The following ADGRA1 variants were observed in gnomAD, a reference collection of about 807,000 sequenced individuals.
ADGRA1 encodes the protein adhesion G protein-coupled receptor A1, also known as G-protein coupled receptor 123.
In ADGRA1, 12 loss-of-function variants were observed where a neutral mutation model predicts 21.3. That is an observed-to-expected ratio of 0.56 (90% CI 0.36 to 0.91). The LOEUF is 0.91. Among genes scored for constraint, ADGRA1 ranks in the 40% least tolerant of loss-of-function variants. The pLI is 0.01. For synonymous variants in ADGRA1, 385 were observed against 368.8 expected, an observed-to-expected ratio of 1.04 and a Z score of -0.50; for missense variants, 790 against 805.6, an observed-to-expected ratio of 0.98 and a Z score of 0.23.
chr10:133,129,214 C>T lies in ADGRA1; in HGVS notation c.1386C>T (p.Gly462=). The stretch of plus-strand genomic sequence containing the variant: ...ACAGCCCCCCCAGCTCTCTGGATGG[C>T]CCGGCGGGGACACACACGCTGGCCT... ...RTDSPPSSLD[G]PAGTHTLACC... Residue 462 remains glycine (G), a synonymous_variant, in exon 7 of 7, where the codon GGC becomes GGT. Coordinates refer to ENST00000392607, the MANE Select transcript of ADGRA1 (RefSeq NM_001083909.3). 2 of 1,549,926 alleles carry T rather than the reference C, an allele frequency of 1.3e-6. No homozygotes were observed. Among genetic ancestry groups the T allele is most frequent in the Non-Finnish European group, 1.7e-6 (2 of 1,146,898 alleles).
At chr10:133,113,243 T>C (rs996620855) in intron 5 of ADGRA1, among the ~76,000 whole-genome samples, 1 of 152,206 alleles carries the variant, frequency 6.6e-6, no homozygotes, top group Non-Finnish European at 1.5e-5. Flanking sequence ...ATTTGAGGTC[T>C]GTAAGCTGTG....
chr10:133,102,711 G>A lies in ADGRA1; in HGVS notation c.270G>A (p.Leu90=), dbSNP rs1218403428. Residue 90 remains leucine, a synonymous_variant, in exon 5 of 7, where the codon CTG becomes CTA. Coordinates refer to ENST00000392607, the MANE Select transcript of ADGRA1 (RefSeq NM_001083909.3). ...CTCCCCCACAGGTGGGCATCGTGCT[G>A]CACTATTCTACACTGTCCACCATGC... is the stretch of plus-strand genomic sequence containing the variant. ...PILCQAVGIV[L]HYSTLSTMLW... The A allele has an allele frequency of 1.2e-6, 2 of 1,606,692 alleles. No homozygotes were observed. Among genetic ancestry groups the A allele is most frequent in the Admixed American group, 1.7e-5 (1 of 59,844 alleles).
In ADGRA1 at chr10:133,130,363, C is replaced by T. The variant is rs1417827872; in HGVS notation, c.*852C>T. 2 of 152,218 alleles carry T rather than the reference C, an allele frequency of 1.3e-5. No individual in the cohort carries two copies. Among genetic ancestry groups the T allele is most frequent in the Admixed American group, 1.3e-4 (2 of 15,288 alleles). The allele number at this position is 152,218 out of a possible 1,614,324, so 9.4% of individuals were successfully genotyped here. A position where few individuals can be genotyped will look rare whatever the true frequency, so the allele number is the denominator to read the frequency against. On this transcript the variant is annotated 3_prime_UTR_variant, in exon 7 of 7. Transcript: ENST00000392607. ...ACCAGCCACCGCTGGGACTGGATTC[C>T]ACTCCAGTATAGGCACTTAGCAACA...
Position 133,127,257 on chromosome 10 carries a change from C to A in ADGRA1, c.426C>A (p.Val142=), listed in dbSNP as rs750129936. The A allele has an allele frequency of 1.1e-5, 18 of 1,590,082 alleles. No individual in the cohort carries two copies. Among genetic ancestry groups the A allele is most frequent in the Non-Finnish European group, 1.5e-5 (17 of 1,171,060 alleles). Residue 142 remains valine (V), a synonymous_variant, in exon 6 of 7, where the codon GTC becomes GTA. Coordinates refer to ENST00000392607, the MANE Select transcript of ADGRA1 (RefSeq NM_001083909.3). ...LLRFYLVSGG[V]PFIICGVTAA... ...GGTTTTACCTCGTCAGCGGAGGGGT[C>A]CCCTTTATCATCTGTGGGGTCACGG...
chr10:133,103,956 G>A (rs548059133), intron 5 of ADGRA1, among the ~76,000 whole-genome samples: 31 of 152,328 alleles, frequency 2.0e-4, no homozygotes, highest in Admixed American at 1.2e-3. Context: ...AGGCACCCCC[G>A]CCAGAGGCTG....
chr10:133,098,745 C>A lies in ADGRA1; in HGVS notation c.237C>A (p.Tyr79Ter), dbSNP rs771263846. The A allele has an allele frequency of 6.2e-7, 1 of 1,611,598 alleles. No homozygotes were observed. The highest frequency in any genetic ancestry group is 8.5e-7 in the Non-Finnish European group (1 of 1,179,940). ...VFAGGINRTK[Y>*]PILCQAVGIV... is the part of the protein sequence containing the mutation. ...CCGGCGGCATCAATCGCACCAAGTA[C>A]CCCATCCTGTGCCAGGCGGTGAGTG... is the stretch of plus-strand genomic sequence containing the variant. The change falls in exon 4 of 7, where the codon TAC becomes TAA. Residue 79 changes from tyrosine (Y) to a stop codon, truncating the protein, a stop_gained. Transcript: ENST00000392607. LOFTEE classifies it high-confidence loss of function.
rs1852356570 is a variant in ADGRA1 at position 133,125,264 on chromosome 10, T to G, written c.402-1969T>G. 2.6e-5 allele frequency among the ~76,000 whole-genome samples: 4 copies of G among 152,376 alleles called. No homozygotes were observed. The South Asian group carries it at 8.3e-4, about 32-fold the overall frequency. On this transcript the variant is annotated intron_variant, in intron 5 of 6. Coordinates refer to ENST00000392607, the MANE Select transcript of ADGRA1 (RefSeq NM_001083909.3). ...GGAGCTTTTAGCTTGTTAAAATTAATTGGAATTTTGATCTGGTTGGATTTA... is the reference window on the plus strand; with the variant it reads ...GGAGCTTTTAGCTTGTTAAAATTAAGTGGAATTTTGATCTGGTTGGATTTA...
In ADGRA1 at chr10:133,115,329, G is replaced by C. The variant is rs567383859; in HGVS notation, c.402-11904G>C. On this transcript the variant is annotated intron_variant, in intron 5 of 6. Coordinates refer to ENST00000392607, the MANE Select transcript of ADGRA1 (RefSeq NM_001083909.3). ...CAATGGCACACAGGCTCTGCCCAGC[G>C]GTCAGCAGCAGGCACGGGCAGGCAC... Among the ~76,000 whole-genome samples, 4 of 152,200 alleles carry C rather than the reference G, an allele frequency of 2.6e-5. No individual in the cohort carries two copies. In the East Asian group the frequency reaches 5.8e-4, roughly 22 times the overall value.
intron 2 of ADGRA1, among the ~76,000 whole-genome samples, chr10:133,092,576 C>A (rs1225916416): frequency 2.6e-5 from 4 of 152,042 alleles, no homozygotes; most frequent in Admixed American, 6.5e-5. Flanking sequence ...GTTGACAGAT[C>A]AGTAGATGCA....
intron 5 of ADGRA1, among the ~76,000 whole-genome samples, chr10:133,112,254 C>G (rs940298321): frequency 2.0e-5 from 3 of 152,240 alleles, no homozygotes. Context: ...CTTAATTTTG[C>G]AGTACGGCCA....
intron 4 of ADGRA1, among the ~76,000 whole-genome samples, chr10:133,100,716 C>T (rs1851776472): frequency 6.6e-6 from 1 of 152,284 alleles, no homozygotes; most frequent in Non-Finnish European, 1.5e-5. Context: ...GCTCACTCAG[C>T]AAATGTGCTG....
chr10:133,103,034 G>A (rs547142904), intron 5 of ADGRA1, among the ~76,000 whole-genome samples, 192 bp downstream of exon 5: 2 of 152,026 alleles, frequency 1.3e-5, no homozygotes, highest in East Asian at 3.9e-4. Context: ...GTGTGCTGGA[G>A]GGGAGGGGCG....
chr10:133,118,130 A>G (rs943903744), intron 5 of ADGRA1, among the ~76,000 whole-genome samples: 3 of 152,184 alleles, frequency 2.0e-5, no homozygotes, highest in East Asian at 1.9e-4. Context: ...TGGTCTCACC[A>G]TCTTCAGGAA....
intron 5 of ADGRA1, among the ~76,000 whole-genome samples, chr10:133,107,437 G>C (rs1286664296): frequency 1.3e-5 from 2 of 151,932 alleles, no homozygotes; most frequent in African/African-American, 4.8e-5. Flanking sequence ...TTCTTGATCT[G>C]TTTAAAGAGC....
intron 5 of ADGRA1, among the ~76,000 whole-genome samples, chr10:133,103,061 C>T (rs114906547): frequency 0.044 from 6,732 of 151,336 alleles, 452 homozygotes; most frequent in African/African-American, 0.14. Context: ...GGGAGGGGCG[C>T]CGGTCACTGG....
intron 2 of ADGRA1, chr10:133,093,362 A>G: frequency 7.3e-7 from 1 of 1,373,298 alleles, no homozygotes; most frequent in Non-Finnish European, 9.8e-7. Context: ...CTTGATTTGC[A>G]GAACACACCA....
intron 5 of ADGRA1, among the ~76,000 whole-genome samples, chr10:133,118,816 CA>C (rs1254014314): frequency 2.6e-5 from 4 of 152,188 alleles, no homozygotes; most frequent in Admixed American, 2.6e-4. Flanking sequence ...CACTTTATTG[CA>C]GTGGTCTGGA....
chr10:133,122,540 T>G (rs1420762695), intron 5 of ADGRA1, among the ~76,000 whole-genome samples: 1 of 152,244 alleles, frequency 6.6e-6, no homozygotes, highest in Non-Finnish European at 1.5e-5. Context: ...TCTTGTCTCT[T>G]TCTTCTTTTC....
In ADGRA1 at chr10:133,129,528, C is replaced by A. The variant is rs373518649; in HGVS notation, c.*17C>A. On this transcript the variant is annotated 3_prime_UTR_variant, in exon 7 of 7. Transcript: ENST00000392607. ...ACTGTGTAGATGGGGGCAGAGGACA[C>A]GGTGTTCCTGGAGGAGCTTCAGAGC... is the stretch of plus-strand genomic sequence containing the variant. The A allele has an allele frequency of 2.5e-4, 385 of 1,563,324 alleles. No homozygotes were observed. The highest frequency in any genetic ancestry group is 3.2e-4 in the Non-Finnish European group (368 of 1,159,120).
Sources: gnomAD v4.1 joint callset for allele counts (sites outside exome capture counted in the v4.1 genomes callset) on GRCh38, gnomAD v4.1.1 for gene constraint, MANE v1.5 for transcripts, NCBI Gene and HGNC (gene_info 2026-07-23, HGNC 2026-07-21) for gene names.